CACNA2D3: variants seen among roughly 807,000 people sequenced by gnomAD.
CACNA2D3 encodes the protein voltage-dependent calcium channel subunit alpha-2/delta-3.
Under a neutral mutation model 160.6 loss-of-function variants are expected in CACNA2D3, and 60 were observed. The ratio of observed to expected loss-of-function variants is 0.37; its 90% CI spans 0.30 to 0.46. The LOEUF (loss-of-function observed/expected upper bound fraction) is 0.46. Ranked by LOEUF, CACNA2D3 falls within the 20% of genes least tolerant of loss-of-function variation. CACNA2D3 has a pLI of 1.00. For missense variants in CACNA2D3, 1,205 were observed against 1,365.0 expected (o/e 0.88, Z 1.85); for synonymous variants, 558 against 492.9 (o/e 1.13, Z -1.75).
At chr3:54,354,990 G>C (rs919577733) in intron 3 of CACNA2D3, among the ~76,000 whole-genome samples, 1 of 152,192 alleles carries the variant, frequency 6.6e-6, no homozygotes, top group Non-Finnish European at 1.5e-5. Context: ...GATTTTCTCT[G>C]TCCTGTTTAT....
chr3:54,154,813 A>C (rs1700215994), intron 2 of CACNA2D3, among the ~76,000 whole-genome samples: 1 of 152,216 alleles, frequency 6.6e-6, no homozygotes, highest in Non-Finnish European at 1.5e-5. Flanking sequence ...AACAAAAAAA[A>C]ACCTGCCAGC....
intron 3 of CACNA2D3, among the ~76,000 whole-genome samples, chr3:54,379,793 A>G (rs1383872422): frequency 1.3e-5 from 2 of 152,100 alleles, no homozygotes; most frequent in Non-Finnish European, 2.9e-5. Context: ...CTTAAATGTC[A>G]TGTCTTCTGG....
chr3:54,391,423 G>T (rs1010737515), intron 4 of CACNA2D3, among the ~76,000 whole-genome samples: 10 of 152,148 alleles, frequency 6.6e-5, no homozygotes, highest in African/African-American at 2.4e-4. Context: ...AGGATAGCAT[G>T]TGTGAACAAA....
intron 5 of CACNA2D3, among the ~76,000 whole-genome samples, chr3:54,520,690 C>A (rs373275490): frequency 6.6e-6 from 1 of 152,268 alleles, no homozygotes; most frequent in South Asian, 2.1e-4. Flanking sequence ...ATATTTGCAG[C>A]CATCAGTCAC....
At chr3:54,657,076 G>A (rs1445582502) in intron 11 of CACNA2D3, among the ~76,000 whole-genome samples, 1 of 151,232 alleles carries the variant, frequency 6.6e-6, no homozygotes, top group Admixed American at 6.6e-5. Context: ...TTCTCTGGCG[G>A]GCAGGAGTGG....
chr3:54,280,648 G>C (rs1702858765), intron 2 of CACNA2D3, among the ~76,000 whole-genome samples: 1 of 152,118 alleles, frequency 6.6e-6, no homozygotes, highest in African/African-American at 2.4e-5. Context: ...CTGCCACGCA[G>C]CCTCATACAG....
chr3:54,156,906 T>C (rs761757042), intron 2 of CACNA2D3, among the ~76,000 whole-genome samples: 6 of 152,158 alleles, frequency 3.9e-5, no homozygotes, highest in Non-Finnish European at 8.8e-5. Flanking sequence ...AGATGAGAAA[T>C]GATCATTATT....
chr3:54,735,952 A>G (rs1228738095), intron 11 of CACNA2D3, among the ~76,000 whole-genome samples: 1 of 136,070 alleles, frequency 7.3e-6, no homozygotes, highest in Admixed American at 7.5e-5. Flanking sequence ...CACTTTTTGC[A>G]TATATCTTTG....
At chr3:54,301,736 G>GCA (rs377353562) in intron 2 of CACNA2D3, among the ~76,000 whole-genome samples, 2 of 151,868 alleles carry the variant, frequency 1.3e-5, no homozygotes, top group Non-Finnish European at 2.9e-5. Flanking sequence ...ACACATGGGC[G>GCA]CACACACACA....
chr3:54,343,376 C>T (rs912113967), intron 3 of CACNA2D3, among the ~76,000 whole-genome samples: 5 of 152,104 alleles, frequency 3.3e-5, no homozygotes, highest in South Asian at 2.1e-4. Flanking sequence ...ACTGCAGCCT[C>T]GACCTCCTGG....
chr3:54,429,351 G>GT (rs536881669), intron 4 of CACNA2D3, among the ~76,000 whole-genome samples: 8 of 152,126 alleles, frequency 5.3e-5, no homozygotes, highest in African/African-American at 1.7e-4. Flanking sequence ...ATGGCAAGCA[G>GT]TTTTTTTCCT....
chr3:54,716,883 T>C (rs951476178), intron 11 of CACNA2D3, among the ~76,000 whole-genome samples: 1 of 149,698 alleles, frequency 6.7e-6, no homozygotes, highest in African/African-American at 2.4e-5. Context: ...ATGCATGTGA[T>C]AAGGGACGCA....
intron 31 of CACNA2D3, among the ~76,000 whole-genome samples, chr3:55,002,897 A>G (rs1703013886): frequency 6.6e-6 from 1 of 152,174 alleles, no homozygotes; most frequent in Admixed American, 6.5e-5. Context: ...CTGTCCAGAT[A>G]AGGAGCCTCC....
intron 3 of CACNA2D3, among the ~76,000 whole-genome samples, chr3:54,342,760 G>A (rs891313065): frequency 1.3e-4 from 20 of 152,216 alleles, no homozygotes; most frequent in African/African-American, 4.8e-4. Context: ...ACAGCAACTG[G>A]TTTGAAGGTG....
intron 4 of CACNA2D3, among the ~76,000 whole-genome samples, chr3:54,424,116 A>G (rs927193701): frequency 2.0e-5 from 3 of 151,996 alleles, no homozygotes; most frequent in African/African-American, 7.2e-5. Flanking sequence ...GTGTGTTTGT[A>G]GAGACAGGGT....
chr3:54,766,680 G>A (rs1444429836), intron 13 of CACNA2D3, among the ~76,000 whole-genome samples: 1 of 151,976 alleles, frequency 6.6e-6, no homozygotes, highest in African/African-American at 2.4e-5. Context: ...TCAAAATATG[G>A]GAAGTTACCT....
intron 11 of CACNA2D3, among the ~76,000 whole-genome samples, chr3:54,679,514 T>G (rs1432056583): frequency 6.6e-6 from 1 of 152,174 alleles, no homozygotes; most frequent in Non-Finnish European, 1.5e-5. Flanking sequence ...GTCAAGCTGC[T>G]TGCAGTTTTC....
At chr3:54,123,469 TGACAC>T (rs1699518614) in intron 1 of CACNA2D3, 39 bp from the exon 2 acceptor site, 1 of 1,389,844 alleles carries the variant, frequency 7.2e-7, no homozygotes, top group East Asian at 2.3e-5. Flanking sequence ...GTGTTGACTG[TGACAC>T]GGGTGTTACA....
At chr3:54,702,382 ATAAGGAACTTAAACT>A (rs555311975) in intron 11 of CACNA2D3, among the ~76,000 whole-genome samples, 167 of 152,272 alleles carry the variant, frequency 1.1e-3, no homozygotes, top group Non-Finnish European at 2.0e-3. Context: ...CAGGGAATCT[ATAAGGAACTTAAACT>A]TAAGGAACTT....
Sources: allele counts gnomAD v4.1 joint callset (sites outside exome capture counted in the v4.1 genomes callset), GRCh38; gene constraint gnomAD v4.1.1; transcripts MANE v1.5; gene names NCBI Gene and HGNC (gene_info 2026-07-23, HGNC 2026-07-21).